The following ZNF345 variants were observed in gnomAD, a reference collection of about 807,000 sequenced individuals.
ZNF345 encodes the protein zinc finger protein 345, also known as zinc finger protein HZF10.
For synonymous variants in ZNF345, 166 were observed against 187.9 expected, an observed-to-expected ratio of 0.88 and a Z score of 0.95; for missense variants, 527 against 589.9, an observed-to-expected ratio of 0.89 and a Z score of 1.10.
Position 36,876,934 on chromosome 19 carries a change from T to G in ZNF345, c.104T>G (p.Phe35Cys), listed in dbSNP as rs772914196. Residue 35 changes from phenylalanine to cysteine, a missense_variant, in exon 3 of 3, where the codon TTC (phenylalanine) becomes TGC (cysteine). By Grantham distance (205) the Phe-to-Cys change is radical. Transcript: ENST00000420450. ...ERKQGSQEGH[F>C]SEMIFTPEDM... ...AAACAGGGATCTCAGGAAGGACATT[T>G]CAGTGAAATGATATTTACTCCTGAA... is the stretch of plus-strand genomic sequence containing the variant. 6.2e-7 allele frequency: 1 copy of G among 1,614,148 alleles called. No individual in the cohort carries two copies. Among genetic ancestry groups the G allele is most frequent in the Non-Finnish European group, 8.5e-7 (1 of 1,179,998 alleles).
rs531476368 is a variant in ZNF345, at chr19:36,869,946, C to T, written c.-46-6839C>T. On this transcript the variant is annotated intron_variant, in intron 2 of 2. Transcript: ENST00000420450. Reference sequence around the variant, plus strand: ...CTGGTGTGCCACCATGCCTGACTAACTGTTTTGTATTTTTAATAGAGACAG... The same window carrying T: ...CTGGTGTGCCACCATGCCTGACTAATTGTTTTGTATTTTTAATAGAGACAG... Among the ~76,000 whole-genome samples, 6 of 152,074 alleles carry T rather than the reference C, an allele frequency of 3.9e-5. No homozygotes were observed. The South Asian group carries it at 6.2e-4, about 16-fold the overall frequency.
downstream of ZNF345, chr19:36,893,108 C>T (rs1600728759): frequency 2.5e-6 from 1 of 397,640 alleles, no homozygotes; most frequent in East Asian, 3.6e-5. Context: ...TTAAGAATAA[C>T]AAATGTGTTG....
chr19:36,865,586 G>A (rs912857677), intron 2 of ZNF345, among the ~76,000 whole-genome samples: 1 of 152,022 alleles, frequency 6.6e-6, no homozygotes, highest in Non-Finnish European at 1.5e-5. Flanking sequence ...TCAGTCTCCC[G>A]AGTAGCTGGG....
At chr19:36,892,318 C>G (rs770593952) in intron 3 of ZNF345, 3 of 1,613,696 alleles carry the variant, frequency 1.9e-6, no homozygotes, top group East Asian at 4.5e-5. Flanking sequence ...ACATATCTTA[C>G]ATTCCCATGG....
In ZNF345 at chr19:36,877,752, C is replaced by A; in HGVS notation, c.922C>A (p.His308Asn). Residue 308 changes from histidine (H) to asparagine (N), a missense_variant, in exon 3 of 3, where the codon CAC becomes AAC. Coordinates refer to ENST00000420450, the MANE Select transcript of ZNF345 (RefSeq NM_001242472.2). ...AGATCTCACTCAGCATCAGAGAATT[C>A]ACACTGGTGAGAAACCCTATGAGTG... is the stretch of plus-strand genomic sequence containing the variant. ...GSDLTQHQRI[H>N]TGEKPYECKE... is the part of the protein sequence containing the mutation. 6.2e-7 allele frequency: 1 copy of A among 1,613,948 alleles called. No individual in the cohort carries two copies. Among genetic ancestry groups the A allele is most frequent in the East Asian group, 2.2e-5 (1 of 44,848 alleles).
intron 2 of ZNF345, among the ~76,000 whole-genome samples, chr19:36,861,802 C>T (rs902135364): frequency 1.2e-4 from 18 of 151,564 alleles, no homozygotes; most frequent in African/African-American, 3.6e-4. Flanking sequence ...GCTTGCAATC[C>T]GCCAGCCTCA....
chr19:36,884,862 T>C (rs1409768083), intron 3 of ZNF345, among the ~76,000 whole-genome samples: 2 of 152,214 alleles, frequency 1.3e-5, no homozygotes, highest in East Asian at 1.9e-4. Flanking sequence ...GTGAAGTTAA[T>C]TTATCACTAT....
At chr19:36,876,456 C>T (rs985014156) in intron 2 of ZNF345, among the ~76,000 whole-genome samples, 3 of 152,162 alleles carry the variant, frequency 2.0e-5, no homozygotes, top group Non-Finnish European at 4.4e-5. Context: ...GCCAGGACAT[C>T]TGTATAATTA....
At chr19:36,859,526 A>C (rs761058386) in intron 2 of ZNF345, among the ~76,000 whole-genome samples, 1 of 151,012 alleles carries the variant, frequency 6.6e-6, no homozygotes, top group Non-Finnish European at 1.5e-5. Flanking sequence ...TTTTTTTGTG[A>C]CATTGAATTC....
chr19:36,853,840 C>T (rs1234636799), intron 2 of ZNF345, among the ~76,000 whole-genome samples: 1 of 152,148 alleles, frequency 6.6e-6, no homozygotes, highest in Non-Finnish European at 1.5e-5. Context: ...AGTACACTTA[C>T]CTTCTTTTTC....
At chr19:36,889,258 T>C (rs1434845854) in intron 3 of ZNF345, 5 of 152,184 alleles carry the variant, frequency 3.3e-5, no homozygotes, top group African/African-American at 1.2e-4. Flanking sequence ...TGTAGTTTTT[T>C]TGTGTGTTTT....
At chr19:36,871,617 C>CTGCTAT (rs1300211334) in intron 2 of ZNF345, among the ~76,000 whole-genome samples, 1 of 151,958 alleles carries the variant, frequency 6.6e-6, no homozygotes, top group East Asian at 1.9e-4. Context: ...CTTTATTTAG[C>CTGCTAT]TGCTATTGTG....
Position 36,877,180 on chromosome 19 carries a change from C to T in ZNF345, c.350C>T (p.Pro117Leu). 1 of 1,614,022 alleles carries T rather than the reference C, an allele frequency of 6.2e-7. No homozygotes were observed. The highest frequency in any genetic ancestry group is 8.5e-7 in the Non-Finnish European group (1 of 1,180,012). ...YHQRIHTGEK[P>L]FECKECGKAF... Reference sequence around the variant, plus strand: ...CAAAGAATTCATACTGGTGAGAAGCCTTTTGAATGTAAAGAATGTGGGAAG... The same window carrying T: ...CAAAGAATTCATACTGGTGAGAAGCTTTTTGAATGTAAAGAATGTGGGAAG... The change falls in exon 3 of 3, where the codon CCT becomes CTT. Residue 117 changes from proline (P) to leucine (L), a missense_variant. By Grantham distance (98) the Pro-to-Leu change is moderately conservative. Transcript: ENST00000420450.
chr19:36,853,245 C>CTTTTTTTTT (rs902150512), intron 2 of ZNF345, among the ~76,000 whole-genome samples: 78 of 106,468 alleles, frequency 7.3e-4, no homozygotes, highest in African/African-American at 1.4e-3. Flanking sequence ...TTCTTTCTTT[C>CTTTTTTTTT]TTTTTTTTTT....
intron 2 of ZNF345, among the ~76,000 whole-genome samples, chr19:36,869,764 C>CTTT (rs370081401): frequency 2.7e-4 from 38 of 139,650 alleles, no homozygotes; most frequent in African/African-American, 5.8e-4. Flanking sequence ...GATCATTTAG[C>CTTT]TTTTTTTTTT....
At chr19:36,875,525 G>A (rs1323662709) in intron 2 of ZNF345, among the ~76,000 whole-genome samples, 1 of 152,118 alleles carries the variant, frequency 6.6e-6, no homozygotes, top group East Asian at 1.9e-4. Context: ...GAAGAGACAG[G>A]CAGATCACTG....
At chr19:36,862,950 G>A (rs1207571658) in intron 2 of ZNF345, 1 of 152,124 alleles carries the variant, frequency 6.6e-6, no homozygotes, top group Non-Finnish European at 1.5e-5. Flanking sequence ...AGATGCCAAG[G>A]ATACACACAG....
At chr19:36,872,145 C>T (rs2072783850) in intron 2 of ZNF345, among the ~76,000 whole-genome samples, 1 of 152,152 alleles carries the variant, frequency 6.6e-6, no homozygotes, top group Admixed American at 6.5e-5. Context: ...TTATTTGTCT[C>T]ATGGCTTTCT....
rs188618360 is a variant in ZNF345 at position 36,891,393 on chromosome 19, T to C, written c.47-1425T>C. ...ATCGTATCGTTTAAAAACGAATACA[T>C]AGGAGAACCTTTGATAATATGTATC... On this transcript the variant is annotated intron_variant, in intron 3 of 3. Coordinates refer to the ZNF345 transcript ENST00000526123. 245 of 1,256,260 alleles carry C rather than the reference T, an allele frequency of 2.0e-4. 1 individual carries two copies. The South Asian group carries it at 4.2e-3, about 22-fold the overall frequency. 77.8% of individuals were successfully genotyped at this position (1,256,260 alleles called of 1,614,324 possible). A position where few individuals can be genotyped will look rare whatever the true frequency, so the allele number is the denominator to read the frequency against.
Sources: allele counts gnomAD v4.1 joint callset (sites outside exome capture counted in the v4.1 genomes callset), GRCh38; gene constraint gnomAD v4.1.1; transcripts MANE v1.5; gene names NCBI Gene and HGNC (gene_info 2026-07-23, HGNC 2026-07-21).